PCDH9: variants seen among roughly 807,000 people sequenced by gnomAD.
PCDH9 encodes the protein protocadherin-9.
PCDH9 carries 24 observed loss-of-function variants against 70.6 expected under a neutral mutation model. The ratio of observed to expected loss-of-function variants is 0.34; its 90% confidence interval spans 0.25 to 0.48. The LOEUF (loss-of-function observed/expected upper bound fraction) is 0.48. Ranked by LOEUF, PCDH9 falls within the 20% of genes least tolerant of loss-of-function variation. The pLI is 0.99. For missense variants in PCDH9, 1,281 were observed against 1,503.6 expected (o/e 0.85, Z 2.45); for synonymous variants, 562 against 558.5 (o/e 1.01, Z -0.09).
intron 2 of PCDH9, among the ~76,000 whole-genome samples, chr13:67,076,526 C>T (rs979947673): frequency 6.6e-6 from 1 of 151,986 alleles, no homozygotes; most frequent in Non-Finnish European, 1.5e-5. Context: ...ATAAGGAGGG[C>T]CGTGGGAGGA....
At chr13:66,549,238 G>C (rs998524154) in intron 4 of PCDH9, among the ~76,000 whole-genome samples, 15 of 152,104 alleles carry the variant, frequency 9.9e-5, no homozygotes, top group Non-Finnish European at 2.1e-4. Flanking sequence ...TAGCATGGCA[G>C]CATTTTCGGT....
chr13:66,514,029 G>A (rs933457037), intron 4 of PCDH9, among the ~76,000 whole-genome samples: 6 of 152,036 alleles, frequency 3.9e-5, no homozygotes, highest in East Asian at 1.9e-4. Context: ...TTGTGACCCC[G>A]AGTCCACATC....
At chr13:66,754,681 T>C (rs1026938642) in intron 3 of PCDH9, among the ~76,000 whole-genome samples, 1 of 152,126 alleles carries the variant, frequency 6.6e-6, no homozygotes, top group Non-Finnish European at 1.5e-5. Context: ...GTCAACAAGA[T>C]GAAACTGGTA....
chr13:66,687,602 T>C (rs1432216904), intron 3 of PCDH9, among the ~76,000 whole-genome samples: 1 of 152,162 alleles, frequency 6.6e-6, no homozygotes, highest in Admixed American at 6.5e-5. Context: ...ACATATTCTT[T>C]TGATTTCTAA....
chr13:67,147,806 A>G (rs2087559181), intron 2 of PCDH9, among the ~76,000 whole-genome samples: 1 of 152,198 alleles, frequency 6.6e-6, no homozygotes, highest in South Asian at 2.1e-4. Flanking sequence ...ATAAATTGCT[A>G]AGAAATAGCT....
intron 2 of PCDH9, among the ~76,000 whole-genome samples, chr13:66,965,906 A>G (rs1323920): frequency 0.27 from 41,625 of 151,852 alleles, 6,269 homozygotes; most frequent in East Asian, 0.61. Context: ...ATGCAAATCA[A>G]TACCAAGTCA....
In PCDH9 at chr13:66,678,734, G is replaced by T. The variant is rs553158415; in HGVS notation, c.3139-47323C>A. 4.1e-3 allele frequency among the ~76,000 whole-genome samples: 624 copies of T among 151,688 alleles called. 5 individuals are homozygous for T. Among genetic ancestry groups the T allele is most frequent in the Middle Eastern group, 0.014 (4 of 294 alleles). On this transcript the variant is annotated intron_variant, in intron 3 of 4. Coordinates refer to ENST00000377865, the MANE Select transcript of PCDH9 (RefSeq NM_203487.3). ...CTTGCTAAAAAATTCTGTTGATATT[G>T]GTGTAAGAAATTGTAGAAAAATAAA...
intron 2 of PCDH9, among the ~76,000 whole-genome samples, chr13:67,136,234 A>G (rs1405028509): frequency 6.6e-6 from 1 of 152,180 alleles, no homozygotes; most frequent in African/African-American, 2.4e-5. Context: ...TTTGCAGCCT[A>G]GGAGCAACAG....
chr13:66,830,466 T>C (rs554436077), intron 3 of PCDH9, among the ~76,000 whole-genome samples: 1 of 152,280 alleles, frequency 6.6e-6, no homozygotes, highest in South Asian at 2.1e-4. Context: ...TTAAATATAA[T>C]GGAAACTAAA....
chr13:66,947,116 C>T (rs1185449473), intron 2 of PCDH9, among the ~76,000 whole-genome samples: 1 of 152,092 alleles, frequency 6.6e-6, no homozygotes, highest in African/African-American at 2.4e-5. Flanking sequence ...TGAGGTGTAG[C>T]TGGTTGGCAT....
At chr13:66,923,500 C>T (rs996706301) in intron 2 of PCDH9, among the ~76,000 whole-genome samples, 1 of 151,368 alleles carries the variant, frequency 6.6e-6, no homozygotes, top group Admixed American at 6.6e-5. Flanking sequence ...TTAAAATATC[C>T]AGTTTAAAAT....
At chr13:67,133,344 T>C (rs1229196844) in intron 2 of PCDH9, among the ~76,000 whole-genome samples, 2 of 152,118 alleles carry the variant, frequency 1.3e-5, no homozygotes, top group Non-Finnish European at 2.9e-5. Flanking sequence ...ATTTTAGCTT[T>C]ATTTATAACT....
rs1179513391 is a variant in PCDH9, at chr13:67,226,716, A to C, written c.1725T>G (p.Asn575Lys). 1.2e-6 allele frequency: 2 copies of C among 1,614,186 alleles called. No homozygotes were observed. The highest frequency in any genetic ancestry group is 1.7e-6 in the Non-Finnish European group (2 of 1,180,020). Residue 575 changes from asparagine to lysine, a missense_variant, in exon 2 of 5, where the codon AAT becomes AAG. By Grantham distance (94) the Asn-to-Lys change is moderately conservative. Coordinates refer to ENST00000377865, the MANE Select transcript of PCDH9 (RefSeq NM_203487.3). This position sits in a 1 kb window ranked among gnomAD's most constrained non-coding sequence, Gnocchi z 5.0. ...TCTCAGACACAAAAAATTGAAAATG[A>C]TTATGAGTAAACTTGGGGCTATTGT... ...ENDNSPKFTHNHFQFFVSENL... is the reference protein window; with the variant it reads ...ENDNSPKFTHKHFQFFVSENL...
chr13:66,456,726 C>T (rs971481266), intron 4 of PCDH9, among the ~76,000 whole-genome samples: 3 of 152,058 alleles, frequency 2.0e-5, no homozygotes, highest in Non-Finnish European at 4.4e-5. Flanking sequence ...ACTCTTTCCC[C>T]GTTCTTTCTT....
At chr13:67,216,117 T>A (rs1239096042) in intron 2 of PCDH9, 1 of 152,146 alleles carries the variant, frequency 6.6e-6, no homozygotes, top group African/African-American at 2.4e-5. Flanking sequence ...GTTTAAACCC[T>A]GAGGAGTGTT....
At chr13:67,103,849 CAG>C (rs930334434) in intron 2 of PCDH9, among the ~76,000 whole-genome samples, 6 of 152,006 alleles carry the variant, frequency 3.9e-5, no homozygotes, top group Non-Finnish European at 7.3e-5. Flanking sequence ...ATGGAATTCA[CAG>C]AGTCATTTTG....
rs183791321 is a variant in PCDH9, at chr13:66,318,287, C to T, written c.3341-13259G>A. On this transcript the variant is annotated intron_variant, in intron 4 of 4. Coordinates refer to ENST00000377865, the MANE Select transcript of PCDH9 (RefSeq NM_203487.3). ...AGATTTTTCTGCAATCTTTTCTGCT[C>T]TGTTATTGCCAATCATCAACTGCTA... 4.6e-5 allele frequency among the ~76,000 whole-genome samples: 7 copies of T among 152,204 alleles called. No individual in the cohort carries two copies. In the East Asian group the frequency reaches 9.6e-4, roughly 21 times the overall value.
At chr13:66,905,177 T>C (rs1382142282) in intron 2 of PCDH9, among the ~76,000 whole-genome samples, 1 of 151,510 alleles carries the variant, frequency 6.6e-6, no homozygotes, top group East Asian at 1.9e-4. Flanking sequence ...GCAGCTTTTT[T>C]GGCATTCAAG....
chr13:66,552,400 T>C (rs1397155937), intron 4 of PCDH9, among the ~76,000 whole-genome samples: 2 of 152,140 alleles, frequency 1.3e-5, no homozygotes, highest in Non-Finnish European at 2.9e-5. Flanking sequence ...ATCTCCGTTT[T>C]ATATTGCCTT....
Sources: gnomAD v4.1 joint callset for allele counts (sites outside exome capture counted in the v4.1 genomes callset) on GRCh38, gnomAD v4.1.1 for gene constraint, Gnocchi (gnomAD v3.1) non-coding constraint, MANE v1.5 for transcripts, NCBI Gene and HGNC (gene_info 2026-07-23, HGNC 2026-07-21) for gene names.